Variants in PLEKHA5 observed in about 807,000 individuals in gnomAD.
PLEKHA5 encodes the protein pleckstrin homology domain-containing family A member 5.
Under a neutral mutation model 181.9 loss-of-function variants are expected in PLEKHA5, and 55 were observed. That is an observed-to-expected ratio of 0.30 (90% CI 0.24 to 0.38). The LOEUF (loss-of-function observed/expected upper bound fraction) is 0.38, where lower values mean the gene tolerates loss of function less well. Ranked by LOEUF, PLEKHA5 falls within the 10% of genes least tolerant of loss-of-function variation. The probability of loss-of-function intolerance (pLI) is 1.00; values close to 1 mark genes in which losing one functional copy is unlikely to be tolerated. For synonymous variants in PLEKHA5, 535 were observed against 529.4 expected, an observed-to-expected ratio of 1.01 and a Z score of -0.15; for missense variants, 1,432 against 1,549.5, an observed-to-expected ratio of 0.92 and a Z score of 1.27.
chr12:19,217,326 T>C (rs2058149375), intron 3 of PLEKHA5, among the ~76,000 whole-genome samples: 1 of 152,080 alleles, frequency 6.6e-6, no homozygotes, highest in African/African-American at 2.4e-5. Context: ...AAGGGAAAGA[T>C]TGAATAAAGC....
rs777101900 is a variant in PLEKHA5 at position 19,287,542 on chromosome 12, C to T, written c.1849C>T (p.Leu617Phe). 5.0e-6 allele frequency: 8 copies of T among 1,594,596 alleles called. No homozygotes were observed. Among genetic ancestry groups the T allele is most frequent in the Non-Finnish European group, 6.9e-6 (8 of 1,163,440 alleles). Residue 617 changes from leucine (L) to phenylalanine (F), a missense_variant, in exon 13 of 32, where the codon CTC becomes TTC. Around this residue, in one of 2 missense-constraint regions of PLEKHA5, gnomAD observed 1,143 missense variants for 1,168.4 expected, o/e 0.98. Coordinates refer to ENST00000429027, the MANE Select transcript of PLEKHA5 (RefSeq NM_001256470.2). ...TTTACAGTCTGTTAGTCCCCAGAGC[C>T]TCCAAGGGAAAACGGTGAGTAATAT... is the stretch of plus-strand genomic sequence containing the variant. ...LTLQSVSPQS[L>F]QGKTPEELTL...
intron 11 of PLEKHA5, among the ~76,000 whole-genome samples, chr12:19,277,106 A>T (rs982190901): frequency 2.6e-5 from 4 of 152,228 alleles, no homozygotes; most frequent in Admixed American, 2.0e-4. Flanking sequence ...GCAGGAAAAT[A>T]AATTAATACA....
At chr12:19,135,333 C>G (rs2151022950) in intron 3 of PLEKHA5, among the ~76,000 whole-genome samples, 1 of 152,134 alleles carries the variant, frequency 6.6e-6, no homozygotes, top group Non-Finnish European at 1.5e-5. Flanking sequence ...GTGGTCTTGA[C>G]CTTAATGACT....
intron 31 of PLEKHA5, chr12:19,373,696 C>T (rs963821264): frequency 1.3e-5 from 2 of 151,574 alleles, no homozygotes; most frequent in Admixed American, 6.6e-5. Context: ...GTGACTGTTG[C>T]TACTGGTGAC....
chr12:19,215,483 G>A (rs2057788566), intron 3 of PLEKHA5, among the ~76,000 whole-genome samples: 1 of 152,092 alleles, frequency 6.6e-6, no homozygotes, highest in Non-Finnish European at 1.5e-5. Flanking sequence ...TGGAGGTAAG[G>A]GGCGTTGCAT....
chr12:19,132,276 T>G (rs2034150639), intron 2 of PLEKHA5, 117 bp from the exon 3 acceptor site: 6 of 647,710 alleles, frequency 9.3e-6, no homozygotes, highest in Non-Finnish European at 1.6e-5. Flanking sequence ...ACACTTTTTT[T>G]GTTAGTAATC....
At chr12:19,231,613 A>ATTT (rs1345945535) in intron 3 of PLEKHA5, among the ~76,000 whole-genome samples, 12 of 32,260 alleles carry the variant, frequency 3.7e-4, no homozygotes, top group South Asian at 1.7e-3. Flanking sequence ...TATATATATA[A>ATTT]ATACTCATAA....
chr12:19,200,325 C>T, intron 3 of PLEKHA5: 1 of 1,527,648 alleles, frequency 6.5e-7, no homozygotes, highest in South Asian at 1.2e-5. Flanking sequence ...ATCCTTCCAG[C>T]TGAATAGATT....
chr12:19,288,342 C>T (rs959317849), intron 13 of PLEKHA5, among the ~76,000 whole-genome samples: 3 of 152,126 alleles, frequency 2.0e-5, no homozygotes, highest in South Asian at 4.1e-4. Flanking sequence ...AAGTATTTAC[C>T]ATTACCATTT....
chr12:19,135,277 T>C (rs963762818), intron 3 of PLEKHA5, among the ~76,000 whole-genome samples: 2 of 152,064 alleles, frequency 1.3e-5, no homozygotes, highest in African/African-American at 4.8e-5. Flanking sequence ...TCTCTGTAGG[T>C]GGTAAGAGGA....
At chr12:19,337,259 A>C (rs1037856111) in intron 21 of PLEKHA5, among the ~76,000 whole-genome samples, 5 of 152,114 alleles carry the variant, frequency 3.3e-5, no homozygotes, top group Non-Finnish European at 5.9e-5. Context: ...TAAAATAGAA[A>C]TAATAATACT....
At chr12:19,302,434 C>T (rs1453679919) in intron 15 of PLEKHA5, among the ~76,000 whole-genome samples, 3 of 152,150 alleles carry the variant, frequency 2.0e-5, no homozygotes, top group Non-Finnish European at 4.4e-5. Context: ...GGTCCTCTGT[C>T]GCCGAGGCTG....
At chr12:19,358,155 C>A (rs2095051618) in intron 26 of PLEKHA5, 73 bp from the exon 27 acceptor site, 2 of 1,019,824 alleles carry the variant, frequency 2.0e-6, no homozygotes, top group Non-Finnish European at 2.9e-6. Context: ...ATGCACTTTA[C>A]AACATTTTTT....
At chr12:19,173,539 G>A (rs1254065489) in intron 3 of PLEKHA5, among the ~76,000 whole-genome samples, 1 of 152,070 alleles carries the variant, frequency 6.6e-6, no homozygotes, top group Non-Finnish European at 1.5e-5. Flanking sequence ...TGGGAGCAGT[G>A]CTTTTTACTT....
intron 28 of PLEKHA5, 110 bp downstream of exon 28, chr12:19,359,656 G>C (rs2095124384): frequency 1.1e-5 from 12 of 1,094,910 alleles, no homozygotes; most frequent in Non-Finnish European, 1.2e-5. Context: ...AGAGTCCATA[G>C]AGCTAAATGA....
At chr12:19,306,596 G>C (rs527982067) in intron 15 of PLEKHA5, 2 of 851,168 alleles carry the variant, frequency 2.3e-6, no homozygotes, top group South Asian at 1.4e-5. Flanking sequence ...CCCTAGCGGC[G>C]GGCCCAGTAG....
At chr12:19,217,342 G>T (rs1288342973) in intron 3 of PLEKHA5, among the ~76,000 whole-genome samples, 3 of 152,164 alleles carry the variant, frequency 2.0e-5, no homozygotes, top group Non-Finnish European at 2.9e-5. Context: ...AAAGCAGTAG[G>T]TTACCCAGAA....
rs530896534 is a variant in PLEKHA5, at chr12:19,216,168, T to G, written c.228-37772T>G. 1.3e-3 allele frequency among the ~76,000 whole-genome samples: 204 copies of G among 152,308 alleles called. 2 individuals carry two copies. The highest frequency in any genetic ancestry group is 4.6e-3 in the African/African-American group (193 of 41,574). ...AGACAGTTTTTCCTTGAATAGAATT[T>G]CTCATGTGGGTTTTTATTTAGGAAC... On this transcript the variant is annotated intron_variant, in intron 3 of 31. Transcript: ENST00000429027.
At chr12:19,334,832 ATATATATATATATATAT>A (rs2093237134) in intron 20 of PLEKHA5, among the ~76,000 whole-genome samples, 7 of 25,344 alleles carry the variant, frequency 2.8e-4, no homozygotes, top group African/African-American at 8.0e-4. Context: ...AAAAAAAAAT[ATATATATATATATATAT>A]ATATATATAT....
Sources: gnomAD v4.1 joint callset for allele counts (sites outside exome capture counted in the v4.1 genomes callset) on GRCh38, gnomAD v4.1.1 for gene constraint, gnomAD v4.1.1 regional missense constraint, MANE v1.5 for transcripts, NCBI Gene and HGNC (gene_info 2026-07-23, HGNC 2026-07-21) for gene names.